KCNH5: variants seen among roughly 807,000 people sequenced by gnomAD.
The protein encoded by KCNH5 is voltage-gated delayed rectifier potassium channel KCNH5.
Under a neutral mutation model 96.1 loss-of-function variants are expected in KCNH5, and 46 were observed. The observed-to-expected ratio is 0.48, with a 90% CI of 0.38 to 0.61. The LOEUF (loss-of-function observed/expected upper bound fraction) is 0.61, where lower values mean the gene tolerates loss of function less well. Ranked by LOEUF, KCNH5 falls within the 20% of genes least tolerant of loss-of-function variation. KCNH5 has a pLI of 0.00. For missense variants in KCNH5, 907 were observed against 1,225.8 expected (o/e 0.74, Z 3.88); for synonymous variants, 439 against 449.8 (o/e 0.98, Z 0.30).
intron 2 of KCNH5, among the ~76,000 whole-genome samples, chr14:63,013,430 A>G (rs1368474699): frequency 6.6e-6 from 1 of 152,142 alleles, no homozygotes; most frequent in Non-Finnish European, 1.5e-5. Flanking sequence ...CTAAAAACTT[A>G]TAATGATAAG....
At position 62,704,045 on chromosome 14, in the gene KCNH5, G is replaced by T. The variant is rs942168059; in HGVS notation, c.*3463C>A. ...GTGAACAAAATCTCCTTAAACAGAA[G>T]GGAAAATGTGATTTTCATTTGGGCT... On this transcript the variant is annotated 3_prime_UTR_variant, in exon 11 of 11. Transcript: ENST00000322893. 3.3e-5 allele frequency: 5 copies of T among 151,710 alleles called. No individual in the cohort carries two copies. Among genetic ancestry groups the T allele is most frequent in the African/African-American group, 9.7e-5 (4 of 41,378 alleles). The allele number at this position is 151,710 out of a possible 1,614,324, so 9.4% of individuals were successfully genotyped here.
At chr14:62,854,225 G>A (rs996362682) in intron 7 of KCNH5, among the ~76,000 whole-genome samples, 2 of 151,992 alleles carry the variant, frequency 1.3e-5, no homozygotes, top group African/African-American at 4.8e-5. Context: ...AATTCCAAGA[G>A]GGCAGGTGTG....
intron 10 of KCNH5, among the ~76,000 whole-genome samples, chr14:62,756,804 A>C (rs986076815): frequency 6.6e-6 from 1 of 152,200 alleles, no homozygotes; most frequent in Admixed American, 6.5e-5. Context: ...TTAAAACAAA[A>C]TGGATTAAAG....
intron 10 of KCNH5, among the ~76,000 whole-genome samples, chr14:62,758,484 C>A (rs968364112): frequency 1.3e-5 from 2 of 152,118 alleles, no homozygotes; most frequent in African/African-American, 4.8e-5. Flanking sequence ...AAATCAAATT[C>A]CTCTTTTCCC....
chr14:62,715,777 A>T (rs1225730548), intron 10 of KCNH5, among the ~76,000 whole-genome samples: 1 of 152,020 alleles, frequency 6.6e-6, no homozygotes, highest in Non-Finnish European at 1.5e-5. Context: ...TGTAAAGAAA[A>T]AGGAAGGAAG....
intron 8 of KCNH5, among the ~76,000 whole-genome samples, chr14:62,824,853 A>G (rs1218973641): frequency 6.6e-6 from 1 of 151,900 alleles, no homozygotes; most frequent in African/African-American, 2.4e-5. Context: ...TTCCACTTAT[A>G]AGTGGAAACA....
chr14:62,766,627 T>A (rs1885866535), intron 10 of KCNH5, among the ~76,000 whole-genome samples: 2 of 152,080 alleles, frequency 1.3e-5, no homozygotes, highest in African/African-American at 4.8e-5. Context: ...TCTAAAAAAA[T>A]CAAAATAATT....
rs532285028 is a variant in KCNH5 at position 62,775,682 on chromosome 14, T to C, written c.2019+4046A>G. 1.2e-3 allele frequency among the ~76,000 whole-genome samples: 183 copies of C among 152,326 alleles called. 1 individual carries two copies. The highest frequency in any genetic ancestry group is 1.7e-3 in the East Asian group (9 of 5,176). ...CCCTCTGAATAGGCAGCAAGTAGAA[T>C]AGATTTGCTTTCTAATAAAGGTGGG... On this transcript the variant is annotated intron_variant, in intron 10 of 10. Transcript: ENST00000322893.
intron 7 of KCNH5, among the ~76,000 whole-genome samples, chr14:62,941,356 C>T (rs769712513): frequency 6.6e-6 from 1 of 152,082 alleles, no homozygotes; most frequent in Non-Finnish European, 1.5e-5. Context: ...GACACAAGCC[C>T]TAGTTGGAAT....
chr14:63,035,144 T>C (rs1891699221), intron 1 of KCNH5, among the ~76,000 whole-genome samples: 1 of 152,206 alleles, frequency 6.6e-6, no homozygotes, highest in African/African-American at 2.4e-5. Context: ...TCAAGATGTA[T>C]TTATAAGAGG....
chr14:62,756,106 TTC>T lies in KCNH5; in HGVS notation c.2019+23620_2019+23621del, dbSNP rs1167996758. Reference sequence around the variant, plus strand: ...GAACTGAAAAACACATTCAGTAAAGTTCTAAGATACAAAATCAACATGTAAAA... The same window carrying T: ...GAACTGAAAAACACATTCAGTAAAGTTAAGATACAAAATCAACATGTAAAA... On this transcript the variant is annotated intron_variant, in intron 10 of 10. Transcript: ENST00000322893. Among the ~76,000 whole-genome samples, 5 of 151,228 alleles carry T rather than the reference TTC, an allele frequency of 3.3e-5. No individual in the cohort carries two copies. In the South Asian group the frequency reaches 6.3e-4, roughly 19 times the overall value.
intron 7 of KCNH5, among the ~76,000 whole-genome samples, chr14:62,947,342 G>A (rs530900528): frequency 1.3e-4 from 20 of 152,162 alleles, no homozygotes; most frequent in African/African-American, 3.9e-4. Context: ...CTTTGTATAC[G>A]TAGGTATCCA....
intron 8 of KCNH5, among the ~76,000 whole-genome samples, chr14:62,819,115 C>T (rs555623398): frequency 1.3e-3 from 201 of 152,104 alleles, no homozygotes; most frequent in Non-Finnish European, 1.8e-3. Flanking sequence ...TACAGGTGCC[C>T]GCCACCACGC....
intron 7 of KCNH5, among the ~76,000 whole-genome samples, chr14:62,882,848 T>C (rs1055840713): frequency 5.3e-5 from 8 of 152,220 alleles, no homozygotes; most frequent in African/African-American, 1.9e-4. Context: ...ATTGGTCATC[T>C]GACTTAGCAT....
At chr14:62,869,034 T>C (rs1013860474) in intron 7 of KCNH5, among the ~76,000 whole-genome samples, 1 of 152,256 alleles carries the variant, frequency 6.6e-6, no homozygotes, top group African/African-American at 2.4e-5. Context: ...TGATTTATAA[T>C]CCTTTTGGTA....
intron 7 of KCNH5, among the ~76,000 whole-genome samples, chr14:62,913,627 A>G (rs998590345): frequency 6.6e-6 from 1 of 152,218 alleles, no homozygotes; most frequent in East Asian, 1.9e-4. Flanking sequence ...AAATTCAATT[A>G]GTATAGCCAC....
chr14:62,891,043 T>C (rs1383390372), intron 7 of KCNH5, among the ~76,000 whole-genome samples: 1 of 152,116 alleles, frequency 6.6e-6, no homozygotes, highest in Admixed American at 6.5e-5. Context: ...AAACCAGCAA[T>C]CCTACTACTG....
At chr14:62,917,737 C>T (rs1869841550) in intron 7 of KCNH5, among the ~76,000 whole-genome samples, 2 of 152,132 alleles carry the variant, frequency 1.3e-5, no homozygotes, top group South Asian at 4.1e-4. Flanking sequence ...TGGACATCAT[C>T]CTCTTAATTC....
intron 9 of KCNH5, among the ~76,000 whole-genome samples, chr14:62,798,062 A>T (rs1316798902): frequency 1.3e-5 from 2 of 152,132 alleles, no homozygotes; most frequent in Admixed American, 6.6e-5. Context: ...TAGAATCTTA[A>T]TTCGAGTGCT....
Sources: allele counts gnomAD v4.1 joint callset (sites outside exome capture counted in the v4.1 genomes callset), GRCh38; gene constraint gnomAD v4.1.1; transcripts MANE v1.5; gene names NCBI Gene and HGNC (gene_info 2026-07-23, HGNC 2026-07-21).